Variants in HGFAC observed in about 807,000 individuals in gnomAD.
HGFAC encodes the protein hepatocyte growth factor activator serine protease.
A neutral mutation model predicts 70.6 loss-of-function variants in HGFAC; 76 were observed. That is an observed-to-expected ratio of 1.08 (90% CI 0.89 to 1.30). The LOEUF (loss-of-function observed/expected upper bound fraction) is 1.30, where lower values mean the gene tolerates loss of function less well. Among genes scored for constraint, HGFAC ranks in the 50% most tolerant of loss-of-function variants. HGFAC has a pLI of 0.00. For synonymous variants in HGFAC, 464 were observed against 405.3 expected, an observed-to-expected ratio of 1.14 and a Z score of -1.74; for missense variants, 1,044 against 933.7, an observed-to-expected ratio of 1.12 and a Z score of -1.54.
chr4:3,444,249 G>A, intron 5 of HGFAC, 62 bp from the exon 6 acceptor site: 2 of 1,563,644 alleles, frequency 1.3e-6, no homozygotes, highest in Non-Finnish European at 8.7e-7. Flanking sequence ...CGAGTGCAGG[G>A]CAGGGGCCCT....
chr4:3,445,176 C>G (rs1725459017), intron 8 of HGFAC, 89 bp from the exon 9 acceptor site: 2 of 1,341,744 alleles, frequency 1.5e-6, no homozygotes, highest in South Asian at 2.5e-5. Flanking sequence ...GTGCGGGGAA[C>G]CGCCCTGCTG....
intron 10 of HGFAC, 93 bp downstream of exon 10, chr4:3,446,387 A>G (rs1323340173): frequency 6.9e-7 from 1 of 1,448,816 alleles, no homozygotes; most frequent in Non-Finnish European, 9.2e-7. Context: ...TGCGGACCCC[A>G]TCCCGGTGCC....
At position 3,447,493 on chromosome 4, in the gene HGFAC, C is replaced by G. The variant is rs775909849; in HGVS notation, c.1357C>G (p.Pro453Ala). Residue 453 changes from proline to alanine, a missense_variant and splice_region_variant, in exon 11 of 14, where the codon CCC becomes GCC. Physicochemically the swap from Pro to Ala is conservative, Grantham distance 27. Coordinates refer to ENST00000382774, the MANE Select transcript of HGFAC (RefSeq NM_001528.4). ...CAGCCTCCAGCCCCCCTTGCACAGCCCCCCCAGGGACAGCGTCTCCGTGGT... is the reference window on the plus strand; with the variant it reads ...CAGCCTCCAGCCCCCCTTGCACAGCGCCCCCAGGGACAGCGTCTCCGTGGT... ...VSAAHCFSHS[P>A]PRDSVSVVLG... 3.7e-6 allele frequency: 6 copies of G among 1,612,372 alleles called. No homozygotes were observed. Among genetic ancestry groups the G allele is most frequent in the African/African-American group, 1.3e-5 (1 of 74,912 alleles).
intron 12 of HGFAC, 46 bp downstream of exon 12, chr4:3,448,081 G>A (rs981814958): frequency 1.9e-6 from 3 of 1,562,252 alleles, no homozygotes; most frequent in Non-Finnish European, 2.6e-6. Context: ...GGTGGACAGT[G>A]GCCAGCCACA....
In HGFAC at chr4:3,449,382, G is replaced by A. The variant is rs2498323; in HGVS notation, c.1931G>A (p.Arg644Gln). 142,583 of 1,581,546 alleles carry A rather than the reference G, an allele frequency of 0.09. 6,874 individuals are homozygous for A. The highest frequency in any genetic ancestry group is 0.099 in the Non-Finnish European group (114,341 of 1,160,650). The change falls in exon 14 of 14, where the codon CGG becomes CAG. Residue 644 changes from arginine (R) to glutamine (Q), a missense_variant. By Grantham distance (43) the Arg-to-Gln change is conservative. Coordinates refer to ENST00000382774, the MANE Select transcript of HGFAC (RefSeq NM_001528.4). ...AACTATGTGGACTGGATCAACGACC[G>A]GATACGGCCTCCCAGGCGGCTTGTG... ...VANYVDWINDRIRPPRRLVAP... is the reference protein window; with the variant it reads ...VANYVDWINDQIRPPRRLVAP...
In HGFAC at chr4:3,444,989, T is replaced by C. The variant is rs369980486; in HGVS notation, c.1012T>C (p.Cys338Arg). Residue 338 changes from cysteine (C) to arginine (R), a missense_variant, in exon 8 of 14, where the codon TGC becomes CGC. Coordinates refer to ENST00000382774, the MANE Select transcript of HGFAC (RefSeq NM_001528.4). ...ALLGLGPHAY[C>R]RNPDNDERPW... ...GCTGGGCCTGGGCCCCCATGCCTAC[T>C]GCCGGTCAGCACCACGCCGCTCCAG... The C allele has an allele frequency of 3.8e-6, 6 of 1,587,692 alleles. No homozygotes were observed. The highest frequency in any genetic ancestry group is 5.1e-6 in the Non-Finnish European group (6 of 1,169,550).
chr4:3,442,642 T>C (rs1468372111), intron 1 of HGFAC, 90 bp from the exon 2 acceptor site: 3 of 986,684 alleles, frequency 3.0e-6, no homozygotes, highest in South Asian at 5.7e-5. Context: ...GGCCCCAGTA[T>C]GGAAACAGGC....
intron 3 of HGFAC, 24 bp from the exon 4 acceptor site, chr4:3,443,317 A>G: frequency 1.3e-6 from 2 of 1,536,640 alleles, no homozygotes; most frequent in Non-Finnish European, 1.8e-6. Flanking sequence ...TGGGACCCCC[A>G]TGCACGCAGG....
At chr4:3,443,974 G>T (rs962290225) in intron 4 of HGFAC, 65 bp from the exon 5 acceptor site, 3 of 1,498,668 alleles carry the variant, frequency 2.0e-6, no homozygotes, top group East Asian at 2.3e-5. Context: ...AGCAAGCAGA[G>T]AATGTCACAG....
chr4:3,443,177 G>C, intron 3 of HGFAC, 31 bp downstream of exon 3: 1 of 1,440,928 alleles, frequency 6.9e-7, no homozygotes, highest in South Asian at 1.4e-5. Context: ...CACCCGAGCT[G>C]GGGTCACCTG....
intron 1 of HGFAC, 118 bp downstream of exon 1, chr4:3,442,236 C>T (rs1030942622): frequency 3.3e-5 from 24 of 737,768 alleles, no homozygotes; most frequent in Admixed American, 1.6e-4. Context: ...GGCGGGGGTC[C>T]GAGCAGGGGG....
In HGFAC at chr4:3,443,215, C is replaced by T. The variant is rs531271223; in HGVS notation, c.395+69C>T. On this transcript the variant is annotated intron_variant, in intron 3 of 13. Coordinates refer to ENST00000382774, the MANE Select transcript of HGFAC (RefSeq NM_001528.4). Reference sequence around the variant, plus strand: ...CCACGCTGCCTGCTTTTCTGGGAGCCGGGCACACAGTAGGCGCTCACCACG... The same window carrying T: ...CCACGCTGCCTGCTTTTCTGGGAGCTGGGCACACAGTAGGCGCTCACCACG... 6.0e-4 allele frequency: 765 copies of T among 1,271,716 alleles called. 20 individuals carry two copies. In the South Asian group the frequency reaches 0.011, roughly 18 times the overall value. 78.8% of individuals were successfully genotyped at this position (1,271,716 alleles called of 1,614,324 possible). A position where few individuals can be genotyped will look rare whatever the true frequency, so the allele number is the denominator to read the frequency against.
In HGFAC at chr4:3,445,312, G is replaced by A. The variant is rs1725465169; in HGVS notation, c.1064G>A (p.Ser355Asn). The change falls in exon 9 of 14, where the codon AGC becomes AAC. Residue 355 changes from serine to asparagine, a missense_variant. Coordinates refer to ENST00000382774, the MANE Select transcript of HGFAC (RefSeq NM_001528.4). ...ERPWCYVVKD[S>N]ALSWEYCRLE... Reference sequence around the variant, plus strand: ...CCCTGGTGCTACGTGGTGAAGGACAGCGCGCTCTCCTGGGAGTACTGCCGC... The same window carrying A: ...CCCTGGTGCTACGTGGTGAAGGACAACGCGCTCTCCTGGGAGTACTGCCGC... 5 of 1,588,884 alleles carry A rather than the reference G, an allele frequency of 3.1e-6. 1 individual carries two copies. Among genetic ancestry groups the A allele is most frequent in the Non-Finnish European group, 2.6e-6 (3 of 1,168,680 alleles).
chr4:3,446,648 C>T (rs987955905), intron 10 of HGFAC, among the ~76,000 whole-genome samples: 1 of 152,106 alleles, frequency 6.6e-6, no homozygotes, highest in Non-Finnish European at 1.5e-5. Flanking sequence ...AGCGCAGTGA[C>T]AATGCGTCAG....
In HGFAC at chr4:3,443,413, G is replaced by A. The variant is rs1457109806; in HGVS notation, c.468G>A (p.Gly156=). 1.9e-5 allele frequency: 28 copies of A among 1,472,936 alleles called. No homozygotes were observed. The highest frequency in any genetic ancestry group is 1.9e-5 in the Non-Finnish European group (21 of 1,109,364). 91.2% of individuals were successfully genotyped at this position (1,472,936 alleles called of 1,614,324 possible). The change falls in exon 4 of 14, where the codon GGG becomes GGA. Residue 156 remains glycine, a synonymous_variant. Coordinates refer to ENST00000382774, the MANE Select transcript of HGFAC (RefSeq NM_001528.4). ...GTGTGGAGGCCACCCCGCCTCCAGG[G>A]GGCCCAGGTGGGTGCTGGGTTGGGT... ...GYCVEATPPP[G]GPAALDPCAS...
rs367885540 is a variant in HGFAC, at chr4:3,446,081, C to T, written c.1142C>T (p.Ala381Val). ...GTCCAACTGTCACCGGATCTCCTGG[C>T]GACCCTGCCTGAGCCAGCCTCCCCG... ...TRVQLSPDLLATLPEPASPGR... is the reference protein window; with the variant it reads ...TRVQLSPDLLVTLPEPASPGR... Residue 381 changes from alanine to valine, a missense_variant, in exon 10 of 14, where the codon GCG becomes GTG. Physicochemically the swap from Ala to Val is moderately conservative, Grantham distance 64 (BLOSUM62 0). Transcript: ENST00000382774. The T allele has an allele frequency of 1.7e-5, 28 of 1,609,390 alleles. No homozygotes were observed. The highest frequency in any genetic ancestry group is 2.1e-5 in the Non-Finnish European group (25 of 1,178,486).
chr4:3,442,809 T>C lies in HGFAC; in HGVS notation c.195T>C (p.Ser65=). Reference sequence around the variant, plus strand: ...CTATCCTGGTGACCTCTGTGACCTCTGAGACCCCAGCAACAAGTGCTCCAG... The same window carrying C: ...CTATCCTGGTGACCTCTGTGACCTCCGAGACCCCAGCAACAAGTGCTCCAG... ...IPTILVTSVT[S]ETPATSAPEA... Residue 65 remains serine (S), a synonymous_variant, in exon 2 of 14, where the codon TCT becomes TCC. Transcript: ENST00000382774. The C allele has an allele frequency of 6.3e-7, 1 of 1,590,246 alleles. No individual in the cohort carries two copies. Among genetic ancestry groups the C allele is most frequent in the Non-Finnish European group, 8.5e-7 (1 of 1,170,062 alleles).
Position 3,447,973 on chromosome 4 carries a change from C to T in HGFAC, c.1574C>T (p.Pro525Leu). 1 of 1,589,878 alleles carries T rather than the reference C, an allele frequency of 6.3e-7. No homozygotes were observed. Among genetic ancestry groups the T allele is most frequent in the Non-Finnish European group, 8.6e-7 (1 of 1,168,966 alleles). Residue 525 changes from proline (P) to leucine (L), a missense_variant, in exon 12 of 14, where the codon CCC becomes CTC. Coordinates refer to ENST00000382774, the MANE Select transcript of HGFAC (RefSeq NM_001528.4). ...GTGCAGCCCATCTGCCTGCCCGAGC[C>T]CGGCAGCACCTTCCCCGCAGGACAC... is the stretch of plus-strand genomic sequence containing the variant. Reference protein sequence around the residue: ...QFVQPICLPEPGSTFPAGHKC... With the variant: ...QFVQPICLPELGSTFPAGHKC...
At chr4:3,443,591 G>C (rs1267198469) in intron 4 of HGFAC, among the ~76,000 whole-genome samples, 171 bp downstream of exon 4, 1 of 152,214 alleles carries the variant, frequency 6.6e-6, no homozygotes, top group Non-Finnish European at 1.5e-5. Context: ...CCTCTCCCAG[G>C]TGGGACCTGC....
Sources: allele counts gnomAD v4.1 joint callset (sites outside exome capture counted in the v4.1 genomes callset), GRCh38; gene constraint gnomAD v4.1.1; transcripts MANE v1.5; gene names NCBI Gene and HGNC (gene_info 2026-07-23, HGNC 2026-07-21).